The following DRC8 variants were observed in gnomAD, a reference collection of about 807,000 sequenced individuals.
The protein encoded by DRC8 is dynein regulatory complex subunit 8.
the DRC8 span, among the ~76,000 whole-genome samples, chr1:245,004,423 CTT>C: frequency 1.3e-3 from 184 of 146,390 alleles, no homozygotes; most frequent in Admixed American, 1.1e-3. Context: ...TAGAATGATA[CTT>C]TTTTTTTTTT....
chr1:245,102,355 T>TTTAA, the DRC8 span, among the ~76,000 whole-genome samples: 1 of 151,648 alleles, frequency 6.6e-6, no homozygotes, highest in Non-Finnish European at 1.5e-5. Flanking sequence ...TATTTATTTA[T>TTTAA]TTATTTATTT....
the DRC8 span, among the ~76,000 whole-genome samples, chr1:245,101,470 TGATTGTCTCTCTATGACGTCA>T: frequency 7.9e-5 from 12 of 152,236 alleles, no homozygotes; most frequent in Non-Finnish European, 1.5e-4. Flanking sequence ...ACATGATATC[TGATTGTCTCTCTATGACGTCA>T]GTACTATTGT....
the DRC8 span, among the ~76,000 whole-genome samples, chr1:245,009,879 G>A: frequency 2.6e-5 from 4 of 151,934 alleles, no homozygotes; most frequent in Admixed American, 6.6e-5. Context: ...TTTTGAGATG[G>A]AGTCTCTCTC....
chr1:244,970,319 C>CCTCCT, the DRC8 span: 1 of 1,293,222 alleles, frequency 7.7e-7, no homozygotes, highest in Admixed American at 2.2e-5. Context: ...CAGAGCGGCC[C>CCTCCT]CTCCTCCAGG....
chr1:245,014,366 G>C, the DRC8 span, among the ~76,000 whole-genome samples: 1 of 152,138 alleles, frequency 6.6e-6, no homozygotes, highest in Non-Finnish European at 1.5e-5. Flanking sequence ...AGAAAACAGA[G>C]ATGGTAAACA....
chr1:245,068,763 A>T, the DRC8 span, among the ~76,000 whole-genome samples: 1 of 152,066 alleles, frequency 6.6e-6, no homozygotes, highest in African/African-American at 2.4e-5. Flanking sequence ...CTATAATCTT[A>T]TAGTATAATT....
the DRC8 span, among the ~76,000 whole-genome samples, chr1:245,115,004 G>A: frequency 2.0e-5 from 3 of 152,080 alleles, no homozygotes; most frequent in African/African-American, 4.8e-5. Flanking sequence ...GATTACAGGC[G>A]TGAGCCACCG....
At chr1:245,046,453 C>T in the DRC8 span, among the ~76,000 whole-genome samples, 2 of 152,294 alleles carry the variant, frequency 1.3e-5, no homozygotes, top group East Asian at 3.9e-4. Flanking sequence ...GAACTGTTAG[C>T]AATACGGTTT....
chr1:244,992,537 G>C, the DRC8 span, among the ~76,000 whole-genome samples: 1 of 152,154 alleles, frequency 6.6e-6, no homozygotes, highest in Non-Finnish European at 1.5e-5. Context: ...CCAGGAGTTT[G>C]AGACCAGCTT....
At chr1:245,074,890 A>G in the DRC8 span, among the ~76,000 whole-genome samples, 4 of 151,996 alleles carry the variant, frequency 2.6e-5, no homozygotes, top group African/African-American at 9.7e-5. Context: ...TATCTATACT[A>G]TTTAGAGCCT....
chr1:244,998,013 C>T, the DRC8 span, among the ~76,000 whole-genome samples: 1 of 152,160 alleles, frequency 6.6e-6, no homozygotes, highest in Non-Finnish European at 1.5e-5. Flanking sequence ...AGGTGGACTA[C>T]CATGCAACAT....
the DRC8 span, among the ~76,000 whole-genome samples, chr1:245,113,963 A>G: frequency 6.6e-6 from 1 of 152,210 alleles, no homozygotes. Context: ...CCATTGGTAC[A>G]CTGTGATGTC....
the DRC8 span, among the ~76,000 whole-genome samples, chr1:244,986,744 C>CA: frequency 0.19 from 14,408 of 75,910 alleles, 818 homozygotes; most frequent in East Asian, 0.35. Flanking sequence ...GACCCTGTCT[C>CA]AAAAAAAAAA....
At chr1:245,057,259 C>A in the DRC8 span, among the ~76,000 whole-genome samples, 2 of 152,096 alleles carry the variant, frequency 1.3e-5, no homozygotes, top group African/African-American at 2.4e-5. Context: ...AAGGAGGCAG[C>A]TTTAGGCGAA....
chr1:245,054,913 G>A, the DRC8 span, among the ~76,000 whole-genome samples: 1 of 152,184 alleles, frequency 6.6e-6, no homozygotes, highest in African/African-American at 2.4e-5. Context: ...ATTCCTCTTG[G>A]CACAGCAGGC....
chr1:245,016,778 T>C, the DRC8 span, among the ~76,000 whole-genome samples: 4,042 of 152,244 alleles, frequency 0.027, 142 homozygotes, highest in East Asian at 0.14. Flanking sequence ...TTTTTATGCC[T>C]TTCTTCCCCC....
the DRC8 span, among the ~76,000 whole-genome samples, chr1:244,982,059 G>A: frequency 1.3e-5 from 2 of 152,124 alleles, no homozygotes; most frequent in African/African-American, 4.8e-5. Context: ...AACTGACAGC[G>A]GCTTGCAGCT....
At chr1:245,108,701 C>G in the DRC8 span, among the ~76,000 whole-genome samples, 1 of 152,112 alleles carries the variant, frequency 6.6e-6, no homozygotes, top group Admixed American at 6.5e-5. Flanking sequence ...GCTCTCTTTT[C>G]TGTCCAACCT....
chr1:245,083,867 A>G, the DRC8 span: 7 of 812,658 alleles, frequency 8.6e-6, no homozygotes, highest in African/African-American at 3.5e-5. Context: ...GAGGACAAAG[A>G]GTAGGGAAAG....
Sources: gnomAD v4.1 joint callset for allele counts (sites outside exome capture counted in the v4.1 genomes callset) on GRCh38, gnomAD v4.1.1 for gene constraint, MANE v1.5 for transcripts, NCBI Gene and HGNC (gene_info 2026-07-23, HGNC 2026-07-21) for gene names.